Variants in DAAM1 observed in about 807,000 individuals in gnomAD.
The protein encoded by DAAM1 is disheveled-associated activator of morphogenesis 1.
Under a neutral mutation model 130.0 loss-of-function variants are expected in DAAM1, and 52 were observed. That is an observed-to-expected ratio of 0.40 (90% CI 0.32 to 0.50). The LOEUF (loss-of-function observed/expected upper bound fraction) is 0.50, where lower values mean the gene tolerates loss of function less well. Ranked by LOEUF, DAAM1 falls within the 20% of genes least tolerant of loss-of-function variation. DAAM1 has a pLI of 0.61. For synonymous variants in DAAM1, 452 were observed against 444.5 expected, an observed-to-expected ratio of 1.02 and a Z score of -0.21; for missense variants, 1,134 against 1,303.8, an observed-to-expected ratio of 0.87 and a Z score of 2.01.
intron 2 of DAAM1, among the ~76,000 whole-genome samples, chr14:59,279,135 A>C (rs1391262512): frequency 6.6e-6 from 1 of 152,084 alleles, no homozygotes. Context: ...ATAAATGTTT[A>C]TAGTTGTTAA....
chr14:59,238,086 T>G (rs1158638394), intron 1 of DAAM1, among the ~76,000 whole-genome samples: 1 of 152,166 alleles, frequency 6.6e-6, no homozygotes, highest in Non-Finnish European at 1.5e-5. Flanking sequence ...TTTATGTTTT[T>G]TTAAAATGAG....
At chr14:59,338,971 A>C (rs1037959439) in intron 15 of DAAM1, among the ~76,000 whole-genome samples, 4 of 152,224 alleles carry the variant, frequency 2.6e-5, no homozygotes, top group Non-Finnish European at 5.9e-5. Flanking sequence ...CAAAAATTTA[A>C]ACAGTAGTAC....
chr14:59,276,793 A>C (rs1396761777), intron 2 of DAAM1, among the ~76,000 whole-genome samples: 2 of 152,194 alleles, frequency 1.3e-5, no homozygotes, highest in Non-Finnish European at 2.9e-5. Flanking sequence ...AAGAAAACAA[A>C]AAACAAAACC....
chr14:59,211,553 A>T (rs1265865306), intron 1 of DAAM1, among the ~76,000 whole-genome samples: 2 of 152,232 alleles, frequency 1.3e-5, no homozygotes, highest in Non-Finnish European at 2.9e-5. Flanking sequence ...GCTTGCAAAA[A>T]TGAATATTTC....
intron 1 of DAAM1, among the ~76,000 whole-genome samples, chr14:59,231,663 G>A (rs186441394): frequency 2.0e-5 from 3 of 152,232 alleles, no homozygotes; most frequent in Admixed American, 2.0e-4. Context: ...GATCCTCACT[G>A]TATAACATGC....
chr14:59,336,021 T>G (rs977704913), intron 15 of DAAM1, among the ~76,000 whole-genome samples: 9 of 151,690 alleles, frequency 5.9e-5, no homozygotes, highest in African/African-American at 1.9e-4. Flanking sequence ...AATAGTGGTG[T>G]TGTTTTTTTT....
At chr14:59,229,037 T>C (rs1889025350) in intron 1 of DAAM1, among the ~76,000 whole-genome samples, 1 of 152,212 alleles carries the variant, frequency 6.6e-6, no homozygotes, top group African/African-American at 2.4e-5. Context: ...TTATGAATAT[T>C]GTAGTTCTGA....
At chr14:59,240,697 G>C (rs1881072520) in intron 1 of DAAM1, among the ~76,000 whole-genome samples, 1 of 152,152 alleles carries the variant, frequency 6.6e-6, no homozygotes, top group Admixed American at 6.5e-5. Flanking sequence ...CATGATTCCA[G>C]GCAAAAAAGA....
At chr14:59,225,091 A>G (rs1888901117) in intron 1 of DAAM1, among the ~76,000 whole-genome samples, 1 of 131,634 alleles carries the variant, frequency 7.6e-6, no homozygotes, top group Non-Finnish European at 1.5e-5. Context: ...GCAGTGGCAT[A>G]ATCTCGGCCC....
rs372053690 is a variant in DAAM1 at position 59,331,199 on chromosome 14, A to T, written c.1561-10A>T. The T allele has an allele frequency of 6.8e-5, 110 of 1,610,682 alleles. 2 individuals are homozygous for T. The Admixed American group carries it at 1.8e-3, about 26-fold the overall frequency. On this transcript the variant is annotated splice_polypyrimidine_tract_variant and intron_variant, in intron 13 of 24. Transcript: ENST00000360909. Reference sequence around the variant, plus strand: ...CATTGATCTTTCTTTTCCTATTTTTATCTTTTCAGAGGGCCGTCTGTGCTT... The same window carrying T: ...CATTGATCTTTCTTTTCCTATTTTTTTCTTTTCAGAGGGCCGTCTGTGCTT...
intron 1 of DAAM1, among the ~76,000 whole-genome samples, chr14:59,244,226 T>C (rs1881257870): frequency 6.7e-6 from 1 of 148,310 alleles, no homozygotes; most frequent in African/African-American, 2.5e-5. Flanking sequence ...TGTGGCACTG[T>C]GAGTCCACTA....
chr14:59,188,778 A>G lies in DAAM1; in HGVS notation c.-38+10A>G. The G allele has an allele frequency of 6.5e-6, 1 of 153,014 alleles. No individual in the cohort carries two copies. The highest frequency in any genetic ancestry group is 1.5e-5 in the Non-Finnish European group (1 of 68,368). The allele number at this position is 153,014 out of a possible 1,614,324, so 9.5% of individuals were successfully genotyped here. A position where few individuals can be genotyped will look rare whatever the true frequency, so the allele number is the denominator to read the frequency against. ...TGCAGGGGCTGCTCAGGTAAGGGGG[A>G]CGCTCCTCCTTGCCCGCCGCACTCA... On this transcript the variant is annotated intron_variant, in intron 1 of 24. Transcript: ENST00000360909.
intron 3 of DAAM1, among the ~76,000 whole-genome samples, chr14:59,295,831 GA>G (rs1397462380): frequency 6.6e-6 from 1 of 152,194 alleles, no homozygotes; most frequent in Non-Finnish European, 1.5e-5. Flanking sequence ...CACTGGGCCT[GA>G]AGATGTGAGA....
intron 1 of DAAM1, among the ~76,000 whole-genome samples, chr14:59,257,290 T>C (rs1156792436): frequency 6.6e-6 from 1 of 152,012 alleles, no homozygotes; most frequent in Non-Finnish European, 1.5e-5. Flanking sequence ...TCAACAAACA[T>C]TTGTTGAGAA....
At chr14:59,224,343 T>A (rs999545086) in intron 1 of DAAM1, among the ~76,000 whole-genome samples, 1 of 152,224 alleles carries the variant, frequency 6.6e-6, no homozygotes, top group African/African-American at 2.4e-5. Context: ...TTGGAAGATA[T>A]GGTGGGAATC....
At chr14:59,361,000 C>A (rs1158770329) in intron 22 of DAAM1, 138 bp downstream of exon 22, 2 of 676,498 alleles carry the variant, frequency 3.0e-6, no homozygotes, top group African/African-American at 3.7e-5. Context: ...AGAACCACCA[C>A]CACAAGAAGC....
rs1885454759 is a variant in DAAM1 at position 59,331,871 on chromosome 14, T to C, written c.1919T>C (p.Leu640Pro). Residue 640 changes from leucine to proline, a missense_variant, in exon 15 of 25, where the codon CTA becomes CCA. Around this residue, in one of 3 missense-constraint regions of DAAM1, gnomAD observed 644 missense variants for 695.9 expected, o/e 0.93. Transcript: ENST00000360909. ...EIDDTKVFKILDLEDLERTFS... is the reference protein window; with the variant it reads ...EIDDTKVFKIPDLEDLERTFS... ...GATGATACAAAAGTCTTCAAAATTC[T>C]AGATCTTGAAGACCTGGAAAGAACC... The C allele has an allele frequency of 6.2e-7, 1 of 1,614,182 alleles. No individual in the cohort carries two copies. The highest frequency in any genetic ancestry group is 8.5e-7 in the Non-Finnish European group (1 of 1,180,010).
intron 16 of DAAM1, among the ~76,000 whole-genome samples, chr14:59,340,645 T>C (rs1462924735): frequency 6.6e-6 from 1 of 152,232 alleles, no homozygotes; most frequent in East Asian, 1.9e-4. Context: ...TAAAAGGATA[T>C]GTAAATCTCA....
At chr14:59,289,527 TAAG>T (rs1883623495) in intron 2 of DAAM1, among the ~76,000 whole-genome samples, 1 of 152,134 alleles carries the variant, frequency 6.6e-6, no homozygotes, top group Non-Finnish European at 1.5e-5. Context: ...ACACTGTTGG[TAAG>T]AATGCAAATT....
Sources: allele counts gnomAD v4.1 joint callset (sites outside exome capture counted in the v4.1 genomes callset), GRCh38; gene constraint gnomAD v4.1.1; regional missense constraint gnomAD v4.1.1; transcripts MANE v1.5; gene names NCBI Gene and HGNC (gene_info 2026-07-23, HGNC 2026-07-21).